Variants in CHD7 observed in about 807,000 individuals in gnomAD.
CHD7 encodes the protein ATP-dependent chromatin remodeler CHD7.
CHD7 carries 24 observed loss-of-function variants against 307.3 expected under a neutral mutation model. The ratio of observed to expected loss-of-function variants is 0.08; its 90% confidence interval spans 0.06 to 0.11. The LOEUF (loss-of-function observed/expected upper bound fraction) is 0.11. Among genes scored for constraint, CHD7 ranks in the 10% least tolerant of loss-of-function variants. The pLI is 1.00. For missense variants in CHD7, 3,106 were observed against 3,727.1 expected (o/e 0.83, Z 4.34); for synonymous variants, 1,363 against 1,349.9 (o/e 1.01, Z -0.21).
intron 3 of CHD7, among the ~76,000 whole-genome samples, chr8:60,783,622 A>G (rs571726197): frequency 1.6e-4 from 25 of 152,316 alleles, no homozygotes; most frequent in African/African-American, 5.3e-4. Context: ...CTTTTGATTA[A>G]TAGTCTCAGT....
intron 2 of CHD7, among the ~76,000 whole-genome samples, chr8:60,777,490 G>A (rs537792967): frequency 6.6e-6 from 1 of 152,172 alleles, no homozygotes; most frequent in African/African-American, 2.4e-5. Flanking sequence ...TAAATAAAAA[G>A]TTGCTTTTTT....
At chr8:60,719,213 C>T (rs868853744) in intron 1 of CHD7, among the ~76,000 whole-genome samples, 32 of 152,300 alleles carry the variant, frequency 2.1e-4, no homozygotes, top group Middle Eastern at 3.4e-3. Flanking sequence ...ATTTGTCACC[C>T]ACAGGGTAGG....
chr8:60,686,807 G>T (rs1157400907), intron 1 of CHD7, among the ~76,000 whole-genome samples: 2 of 152,156 alleles, frequency 1.3e-5, no homozygotes, highest in African/African-American at 4.8e-5. Flanking sequence ...GTCTAAAAAA[G>T]GGTACATGGC....
At chr8:60,860,607 G>A (rs1805924792) in intron 34 of CHD7, among the ~76,000 whole-genome samples, 1 of 152,058 alleles carries the variant, frequency 6.6e-6, no homozygotes, top group African/African-American at 2.4e-5. Flanking sequence ...GCTAATTTTT[G>A]TATTTTTTGT....
Position 60,852,902 on chromosome 8 carries a change from G to T in CHD7, c.6177G>T (p.Glu2059Asp). The change falls in exon 31 of 38, where the codon GAG becomes GAT. Residue 2059 changes from glutamate (E) to aspartate (D), a missense_variant. By Grantham distance (45) the Glu-to-Asp change is conservative. This residue lies in a region of CHD7 where 1,030 missense variants were observed against 1,165.4 expected (regional missense o/e 0.88). Transcript: ENST00000423902. ...CCTCTCGAACTCTGTACCGCATTGA[G>T]CTGCTACGGAAGATCCGCGAGCAGG... ...ERASRTLYRIELLRKIREQVL... is the reference protein window; with the variant it reads ...ERASRTLYRIDLLRKIREQVL... 2 of 1,613,998 alleles carry T rather than the reference G, an allele frequency of 1.2e-6. No homozygotes were observed. Among genetic ancestry groups the T allele is most frequent in the South Asian group, 2.2e-5 (2 of 91,082 alleles).
At chr8:60,692,755 G>T (rs776549839) in intron 1 of CHD7, among the ~76,000 whole-genome samples, 24 of 152,044 alleles carry the variant, frequency 1.6e-4, no homozygotes, top group Admixed American at 1.2e-3. Flanking sequence ...GCGTCATTAG[G>T]GTCCTGAGCT....
intron 2 of CHD7, among the ~76,000 whole-genome samples, chr8:60,769,066 T>G (rs2150639883): frequency 6.6e-6 from 1 of 152,324 alleles, no homozygotes; most frequent in East Asian, 1.9e-4. Flanking sequence ...ATAAAGAAGT[T>G]GAAATAGAAA....
chr8:60,812,621 G>A (rs1243388136), intron 7 of CHD7, among the ~76,000 whole-genome samples: 2 of 141,910 alleles, frequency 1.4e-5, no homozygotes, highest in Non-Finnish European at 1.5e-5. Flanking sequence ...CCGAGATTGC[G>A]CCATTGCACT....
intron 1 of CHD7, among the ~76,000 whole-genome samples, chr8:60,726,626 T>C (rs113121995): frequency 2.6e-5 from 4 of 152,296 alleles, no homozygotes; most frequent in African/African-American, 7.2e-5. Context: ...TAAAGGTAGG[T>C]GGTATCGTAT....
rs1806203607 is a variant in CHD7, at chr8:60,865,508, T to C, written c.8569T>C (p.Ser2857Pro). Residue 2857 changes from serine to proline, a missense_variant, in exon 38 of 38, where the codon TCT (serine) becomes CCT (proline). Physicochemically the swap from Ser to Pro is moderately conservative, Grantham distance 74. Transcript: ENST00000423902. This position sits in a 1 kb window ranked among gnomAD's most constrained non-coding sequence, Gnocchi z 4.3. ...GNENEDENKDSEKSTDAVSAA... is the reference protein window; with the variant it reads ...GNENEDENKDPEKSTDAVSAA... ...TGAGAATGAAGACGAGAACAAAGAC[T>C]CTGAGAAAAGCACAGATGCTGTTTC... 2 of 1,613,904 alleles carry C rather than the reference T, an allele frequency of 1.2e-6. No homozygotes were observed. Among genetic ancestry groups the C allele is most frequent in the South Asian group, 1.1e-5 (1 of 91,092 alleles).
chr8:60,852,167 C>A lies in CHD7; in HGVS notation c.5814C>A (p.Asp1938Glu), dbSNP rs1805481811. The change falls in exon 29 of 38, where the codon GAC becomes GAA. Residue 1938 changes from aspartate to glutamate, a missense_variant. Transcript: ENST00000423902. ...GGCAAGAGGCCCTAATGAAGACTGA[C>A]CGGCGCAGACGGCGGCCTCGAGAGG... ...QMRQEALMKTDRRRRRPREEV... is the reference protein window; with the variant it reads ...QMRQEALMKTERRRRRPREEV... 5.6e-6 allele frequency: 9 copies of A among 1,613,878 alleles called. No homozygotes were observed. Among genetic ancestry groups the A allele is most frequent in the Non-Finnish European group, 7.6e-6 (9 of 1,179,876 alleles).
At chr8:60,824,852 G>A (rs1804196043) in intron 13 of CHD7, 1 of 152,084 alleles carries the variant, frequency 6.6e-6, no homozygotes, top group Non-Finnish European at 1.5e-5. Context: ...GGAGTAGAAG[G>A]ATTTGATTTA....
intron 3 of CHD7, among the ~76,000 whole-genome samples, chr8:60,792,072 T>C (rs758869521): frequency 2.6e-5 from 4 of 152,200 alleles, no homozygotes; most frequent in Non-Finnish European, 4.4e-5. Flanking sequence ...TATAAAATAT[T>C]AACGTTATTT....
At chr8:60,819,022 C>T (rs570902292) in intron 8 of CHD7, among the ~76,000 whole-genome samples, 2 of 152,264 alleles carry the variant, frequency 1.3e-5, no homozygotes, top group South Asian at 2.1e-4. Context: ...GGTGCGATCT[C>T]GGCTCACTGC....
chr8:60,713,690 C>T (rs1251234576), intron 1 of CHD7, among the ~76,000 whole-genome samples: 10 of 152,082 alleles, frequency 6.6e-5, no homozygotes, highest in Admixed American at 1.3e-4. Flanking sequence ...AGGTGGTGGG[C>T]GTTCACGAGG....
At chr8:60,780,935 T>C (rs1366442652) in intron 2 of CHD7, 65 bp from the exon 3 acceptor site, 1 of 1,421,904 alleles carries the variant, frequency 7.0e-7, no homozygotes, top group African/African-American at 1.4e-5. Context: ...AGCCACTAAC[T>C]TTCAGTTCTT....
chr8:60,782,230 G>A (rs963669229), intron 3 of CHD7, among the ~76,000 whole-genome samples: 3 of 152,154 alleles, frequency 2.0e-5, no homozygotes, highest in Non-Finnish European at 4.4e-5. Flanking sequence ...GGTCAGCCTT[G>A]GTTAATCCGA....
chr8:60,842,442 G>A lies in CHD7; in HGVS notation c.4850+390G>A, dbSNP rs1029782262. Among the ~76,000 whole-genome samples, 5 of 152,162 alleles carry A rather than the reference G, an allele frequency of 3.3e-5. No homozygotes were observed. The East Asian group carries it at 9.6e-4, about 29-fold the overall frequency. On this transcript the variant is annotated intron_variant, in intron 21 of 37. Coordinates refer to ENST00000423902, the MANE Select transcript of CHD7 (RefSeq NM_017780.4). ...ATTTCTCTTATAAAAAATTGTCAAA[G>A]GCAGTAATCTCACTTGTTAAATTCT...
chr8:60,737,603 C>T (rs1430030926), intron 1 of CHD7, among the ~76,000 whole-genome samples: 2 of 152,132 alleles, frequency 1.3e-5, no homozygotes, highest in Non-Finnish European at 2.9e-5. Flanking sequence ...GTTGTGACCC[C>T]TCCTCACCCC....
Sources: allele counts gnomAD v4.1 joint callset (sites outside exome capture counted in the v4.1 genomes callset), GRCh38; gene constraint gnomAD v4.1.1; regional missense constraint gnomAD v4.1.1; non-coding constraint Gnocchi (gnomAD v3.1); transcripts MANE v1.5; gene names NCBI Gene and HGNC (gene_info 2026-07-23, HGNC 2026-07-21).